SUCLG2: variants seen among roughly 807,000 people sequenced by gnomAD.
SUCLG2 encodes the protein succinate-CoA ligase GDP-forming subunit beta, also known as succinate--CoA ligase [GDP-forming] subunit beta, mitochondrial.
A neutral mutation model predicts 47.9 loss-of-function variants in SUCLG2; 42 were observed. The observed-to-expected ratio is 0.88, with a 90% CI of 0.69 to 1.14. The LOEUF is 1.14. Among genes scored for constraint, SUCLG2 ranks in the 50% most tolerant of loss-of-function variants. The probability of loss-of-function intolerance (pLI) is 0.00; values close to 1 mark genes in which losing one functional copy is unlikely to be tolerated. For missense variants in SUCLG2, 571 were observed against 525.9 expected (o/e 1.09, Z -0.84); for synonymous variants, 195 against 197.3 (o/e 0.99, Z 0.10).
At chr3:67,542,631 T>C (rs1706749811) in intron 2 of SUCLG2, among the ~76,000 whole-genome samples, 1 of 152,170 alleles carries the variant, frequency 6.6e-6, no homozygotes, top group Non-Finnish European at 1.5e-5. Flanking sequence ...GAGGAATATT[T>C]ACCAAGCAAA....
chr3:67,537,704 C>G (rs11923171), intron 2 of SUCLG2, among the ~76,000 whole-genome samples: 11,975 of 152,238 alleles, frequency 0.079, 563 homozygotes, highest in East Asian at 0.17. Flanking sequence ...AGAAGTGTTC[C>G]TATTTCTCCA....
chr3:67,600,000 A>G (rs775255609), intron 2 of SUCLG2, among the ~76,000 whole-genome samples: 1 of 152,252 alleles, frequency 6.6e-6, no homozygotes, highest in African/African-American at 2.4e-5. Flanking sequence ...TGCCTGTTAC[A>G]ACCACCTTGG....
At chr3:67,387,681 T>C (rs1702289982) in intron 10 of SUCLG2, among the ~76,000 whole-genome samples, 2 of 152,184 alleles carry the variant, frequency 1.3e-5, no homozygotes, top group South Asian at 4.1e-4. Context: ...CATGCTGAAA[T>C]ATGCAAAATA....
At chr3:67,364,215 T>C (rs1449590829) in intron 10 of SUCLG2, among the ~76,000 whole-genome samples, 1 of 152,170 alleles carries the variant, frequency 6.6e-6, no homozygotes, top group Non-Finnish European at 1.5e-5. Flanking sequence ...GAACCCAATC[T>C]CTCTGCCTGG....
At chr3:67,605,650 G>A (rs2107305514) in intron 2 of SUCLG2, among the ~76,000 whole-genome samples, 2 of 152,038 alleles carry the variant, frequency 1.3e-5, no homozygotes, top group South Asian at 4.2e-4. Context: ...GATATGCACT[G>A]GTGAAACCTG....
chr3:67,557,339 C>G lies in SUCLG2; in HGVS notation c.227-28153G>C, dbSNP rs528936049. 2.0e-5 allele frequency among the ~76,000 whole-genome samples: 3 copies of G among 152,262 alleles called. No homozygotes were observed. In the South Asian group the frequency reaches 6.2e-4, roughly 32 times the overall value. On this transcript the variant is annotated intron_variant, in intron 2 of 10. Coordinates refer to ENST00000307227, the MANE Select transcript of SUCLG2 (RefSeq NM_003848.4). ...CTGATGTTTCTAATGAAGAGAATAA[C>G]CTTTTTGCTCCTTTTCATATTCAAA...
At chr3:67,397,154 T>C (rs917470931) in intron 10 of SUCLG2, among the ~76,000 whole-genome samples, 4 of 151,832 alleles carry the variant, frequency 2.6e-5, no homozygotes, top group Non-Finnish European at 4.4e-5. Flanking sequence ...TTCAACATAG[T>C]GTTGGAAGTT....
At chr3:67,392,199 A>C (rs1702403523) in intron 10 of SUCLG2, among the ~76,000 whole-genome samples, 1 of 152,034 alleles carries the variant, frequency 6.6e-6, no homozygotes, top group Non-Finnish European at 1.5e-5. Context: ...CCTTACTAGG[A>C]CCAGTTTCAC....
intron 9 of SUCLG2, among the ~76,000 whole-genome samples, chr3:67,489,773 T>G (rs1705159171): frequency 6.6e-6 from 1 of 152,198 alleles, no homozygotes; most frequent in African/African-American, 2.4e-5. Context: ...ACACCAGACC[T>G]GAAGAATCTC....
intron 2 of SUCLG2, among the ~76,000 whole-genome samples, chr3:67,594,298 A>G (rs914088855): frequency 2.6e-5 from 4 of 152,236 alleles, no homozygotes; most frequent in African/African-American, 9.6e-5. Flanking sequence ...TACTTAGCTG[A>G]GCACAAAGCC....
chr3:67,545,706 G>A (rs887650825), intron 2 of SUCLG2, among the ~76,000 whole-genome samples: 13 of 151,376 alleles, frequency 8.6e-5, no homozygotes, highest in African/African-American at 3.2e-4. Context: ...CTCCTTCCCT[G>A]CCTCATGCTT....
At chr3:67,594,040 A>G (rs1308544508) in intron 2 of SUCLG2, among the ~76,000 whole-genome samples, 1 of 152,076 alleles carries the variant, frequency 6.6e-6, no homozygotes, top group African/African-American at 2.4e-5. Context: ...CTATACCCAC[A>G]CCTAGCCCAC....
intron 2 of SUCLG2, among the ~76,000 whole-genome samples, chr3:67,552,394 T>G (rs1269439658): frequency 6.6e-6 from 1 of 152,160 alleles, no homozygotes; most frequent in Non-Finnish European, 1.5e-5. Context: ...GCCCACTCTA[T>G]TGGTGTATTC....
chr3:67,421,037 TC>T (rs1247670774), intron 9 of SUCLG2, among the ~76,000 whole-genome samples: 2 of 152,204 alleles, frequency 1.3e-5, no homozygotes, highest in Non-Finnish European at 2.9e-5. Flanking sequence ...ATCATAAGTA[TC>T]AGGTCATTTC....
At chr3:67,396,322 A>G (rs538743761) in intron 10 of SUCLG2, among the ~76,000 whole-genome samples, 5 of 152,278 alleles carry the variant, frequency 3.3e-5, no homozygotes, top group African/African-American at 1.2e-4. Flanking sequence ...AGACGCAATA[A>G]AAAATGATAA....
intron 10 of SUCLG2, among the ~76,000 whole-genome samples, chr3:67,366,345 AAAAAC>A (rs1701875205): frequency 6.6e-6 from 1 of 152,142 alleles, no homozygotes; most frequent in Admixed American, 6.5e-5. Context: ...CTCCATCTCA[AAAAAC>A]AAAACAAAAC....
chr3:67,609,737 C>G (rs1194901683), intron 1 of SUCLG2, 141 bp from the exon 2 acceptor site: 1 of 707,092 alleles, frequency 1.4e-6, no homozygotes, highest in East Asian at 3.0e-5. Context: ...AAAAAAAAAC[C>G]CACTTAAATT....
At chr3:67,429,516 C>T (rs972357000) in intron 9 of SUCLG2, among the ~76,000 whole-genome samples, 6 of 152,122 alleles carry the variant, frequency 3.9e-5, no homozygotes, top group Admixed American at 6.5e-5. Flanking sequence ...TAAAGACCAT[C>T]GATGCTAGGA....
At chr3:67,593,938 T>C (rs1708234369) in intron 2 of SUCLG2, among the ~76,000 whole-genome samples, 1 of 152,194 alleles carries the variant, frequency 6.6e-6, no homozygotes. Context: ...ATTCCAACAA[T>C]GGGATATTAG....
Sources: allele counts gnomAD v4.1 joint callset (sites outside exome capture counted in the v4.1 genomes callset), GRCh38; gene constraint gnomAD v4.1.1; transcripts MANE v1.5; gene names NCBI Gene and HGNC (gene_info 2026-07-23, HGNC 2026-07-21).